The following SASH1 variants were observed in gnomAD, a reference collection of about 807,000 sequenced individuals.
SASH1 encodes SAM and SH3 domain-containing protein 1.
SASH1 carries 44 observed loss-of-function variants against 125.2 expected under a neutral mutation model. The ratio of observed to expected loss-of-function variants is 0.35; its 90% CI spans 0.28 to 0.45. SASH1 has a LOEUF of 0.45. Among genes scored for constraint, SASH1 ranks in the 20% least tolerant of loss-of-function variants. SASH1 has a pLI of 1.00. For missense variants in SASH1, 1,426 were observed against 1,614.5 expected (o/e 0.88, Z 2.00); for synonymous variants, 639 against 649.1 (o/e 0.98, Z 0.24).
At chr6:148,508,972 C>T in intron 8 of SASH1, 2 of 584,630 alleles carry the variant, frequency 3.4e-6, no homozygotes, top group Non-Finnish European at 5.8e-6. Flanking sequence ...ATGTTTCTCT[C>T]TCTTTTCTTC....
chr6:148,514,261 C>T, intron 8 of SASH1, 63 bp from the exon 9 acceptor site: 1 of 1,559,106 alleles, frequency 6.4e-7, no homozygotes, highest in Non-Finnish European at 8.6e-7. Context: ...CGGCTACATC[C>T]AGCCACACGG....
chr6:148,225,698 C>T, the SASH1 span, among the ~76,000 whole-genome samples: 2 of 152,054 alleles, frequency 1.3e-5, no homozygotes, highest in East Asian at 3.9e-4. Context: ...AACGAAAAAC[C>T]GCCTGTACCC....
intron 1 of SASH1, 118 bp downstream of exon 1, chr6:148,343,341 C>G: frequency 1.1e-6 from 1 of 915,144 alleles, no homozygotes; most frequent in Non-Finnish European, 1.6e-6. Flanking sequence ...GCGTCCTTCT[C>G]TGGCTCTAGT....
At position 148,452,300 on chromosome 6, in the gene SASH1, G is replaced by A. The variant is rs536139197; in HGVS notation, c.386+11893G>A. On this transcript the variant is annotated intron_variant, in intron 4 of 19. Transcript: ENST00000367467. ...GGCCAGGTCACTGGCCAGGAGGCTC[G>A]TCCATCTGTGACTTGTCCTCTTTGC... Among the ~76,000 whole-genome samples, 9 of 152,318 alleles carry A rather than the reference G, an allele frequency of 5.9e-5. No individual in the cohort carries two copies. The South Asian group carries it at 1.5e-3, about 25-fold the overall frequency.
intron 8 of SASH1, among the ~76,000 whole-genome samples, chr6:148,503,302 A>G (rs1355652390): frequency 7.4e-6 from 1 of 135,510 alleles, no homozygotes; most frequent in African/African-American, 2.7e-5. Flanking sequence ...TCTACAGTCG[A>G]GTCATCTTTC....
At chr6:148,422,520 T>C (rs1052369894) in intron 2 of SASH1, among the ~76,000 whole-genome samples, 1 of 152,242 alleles carries the variant, frequency 6.6e-6, no homozygotes, top group Non-Finnish European at 1.5e-5. Flanking sequence ...CAGTAAACTA[T>C]GCAACCAGGT....
chr6:148,544,135 G>A lies in SASH1; in HGVS notation c.2665G>A (p.Asp889Asn), dbSNP rs764317450. 2.4e-5 allele frequency: 38 copies of A among 1,613,934 alleles called. No individual in the cohort carries two copies. The highest frequency in any genetic ancestry group is 8.9e-5 in the East Asian group (4 of 44,884). The change falls in exon 18 of 20, where the codon GAC becomes AAC. Residue 889 changes from aspartate (D) to asparagine (N), a missense_variant. Physicochemically the swap from Asp to Asn is conservative, Grantham distance 23 (BLOSUM62 1). This residue lies in a region of SASH1 where 634 missense variants were observed against 694.4 expected (regional missense o/e 0.91). Transcript: ENST00000367467. The surrounding 1 kb of genome is among the most constrained non-coding windows in gnomAD (Gnocchi z 6.4). Reference sequence around the variant, plus strand: ...GCCCCTGGAGCAAGACTCTGCTGTCGACAATGCATTGCTACTGACCCAAAG... The same window carrying A: ...GCCCCTGGAGCAAGACTCTGCTGTCAACAATGCATTGCTACTGACCCAAAG... ...AQPLEQDSAV[D>N]NALLLTQSKR...
chr6:148,392,178 C>T (rs568920470), intron 2 of SASH1, among the ~76,000 whole-genome samples: 40 of 151,236 alleles, frequency 2.6e-4, no homozygotes, highest in African/African-American at 3.6e-4. Context: ...CCCAACTACT[C>T]GGGAGGCTGA....
chr6:148,383,734 C>G (rs1783247969), intron 1 of SASH1, among the ~76,000 whole-genome samples: 1 of 152,096 alleles, frequency 6.6e-6, no homozygotes, highest in African/African-American at 2.4e-5. Context: ...ATACAAATGC[C>G]TTTTGTTTTC....
intron 8 of SASH1, among the ~76,000 whole-genome samples, chr6:148,501,240 C>T (rs551880066): frequency 3.3e-5 from 5 of 152,146 alleles, no homozygotes; most frequent in East Asian, 1.9e-4. Flanking sequence ...GCAGCCCTGT[C>T]GGAGAAGTCA....
intron 2 of SASH1, among the ~76,000 whole-genome samples, chr6:148,426,349 G>T (rs1412079507): frequency 6.6e-6 from 1 of 152,072 alleles, no homozygotes; most frequent in Non-Finnish European, 1.5e-5. Context: ...CTCTGCACTG[G>T]GCAGTTCCCT....
intron 1 of SASH1, among the ~76,000 whole-genome samples, chr6:148,376,572 C>G (rs574407397): frequency 6.6e-6 from 1 of 152,178 alleles, no homozygotes; most frequent in South Asian, 2.1e-4. Flanking sequence ...CTTACAACAC[C>G]CGAACCAGGC....
chr6:148,521,331 T>G (rs1329263840), intron 10 of SASH1, among the ~76,000 whole-genome samples: 1 of 152,220 alleles, frequency 6.6e-6, no homozygotes, highest in Non-Finnish European at 1.5e-5. Flanking sequence ...CCTTCAATAG[T>G]GGTTTTCCCA....
the SASH1 span, among the ~76,000 whole-genome samples, chr6:148,248,610 C>T: frequency 6.6e-6 from 1 of 152,122 alleles, no homozygotes; most frequent in Non-Finnish European, 1.5e-5. Flanking sequence ...CACAAATTTC[C>T]CATCAGCTTG....
chr6:148,441,710 C>T (rs574166234), intron 4 of SASH1, among the ~76,000 whole-genome samples: 18 of 152,236 alleles, frequency 1.2e-4, no homozygotes, highest in Non-Finnish European at 1.9e-4. Context: ...CTTCAGGAAA[C>T]GAGAAATGTT....
In SASH1 at chr6:148,467,351, TC is replaced by T. The variant is rs570576225; in HGVS notation, c.387-1191del. 9.4e-3 allele frequency among the ~76,000 whole-genome samples: 1,425 copies of T among 152,168 alleles called. 18 individuals carry two copies. The highest frequency in any genetic ancestry group is 0.033 in the African/African-American group (1,356 of 41,524). On this transcript the variant is annotated intron_variant, in intron 4 of 19. Coordinates refer to ENST00000367467, the MANE Select transcript of SASH1 (RefSeq NM_015278.5). Reference sequence around the variant, plus strand: ...ACCTCAAGTGATCTGCCCACCTCGTTCCCTTTTTGATACAACCAATTTTAAC... The same window carrying T: ...ACCTCAAGTGATCTGCCCACCTCGTTCCTTTTTGATACAACCAATTTTAAC...
intron 2 of SASH1, among the ~76,000 whole-genome samples, chr6:148,395,500 G>A (rs974203325): frequency 2.0e-5 from 3 of 152,202 alleles, no homozygotes; most frequent in African/African-American, 7.2e-5. Flanking sequence ...TTTGGGGCCA[G>A]TTAGTTTTGG....
chr6:148,424,629 C>G (rs749893970), intron 2 of SASH1, among the ~76,000 whole-genome samples: 6 of 152,182 alleles, frequency 3.9e-5, no homozygotes, highest in Non-Finnish European at 5.9e-5. Flanking sequence ...CCTGGGCCTC[C>G]CAAAGCACTG....
At chr6:148,335,814 A>T (rs1426601095) in intron 1 of SASH1, among the ~76,000 whole-genome samples, 1 of 152,026 alleles carries the variant, frequency 6.6e-6, no homozygotes, top group African/African-American at 2.4e-5. Flanking sequence ...CCCGAGGTAA[A>T]CTCCCAGCTC....
Sources: gnomAD v4.1 joint callset for allele counts (sites outside exome capture counted in the v4.1 genomes callset) on GRCh38, gnomAD v4.1.1 for gene constraint, gnomAD v4.1.1 regional missense constraint, Gnocchi (gnomAD v3.1) non-coding constraint, MANE v1.5 for transcripts, NCBI Gene and HGNC (gene_info 2026-07-23, HGNC 2026-07-21) for gene names.